STXBP6: variants seen among roughly 807,000 people sequenced by gnomAD.
STXBP6 encodes the protein syntaxin binding protein 6.
In STXBP6, 21 loss-of-function variants were observed where a neutral mutation model predicts 26.9. The observed-to-expected ratio is 0.78, with a 90% CI of 0.55 to 1.12. The LOEUF is 1.12. Ranked by LOEUF, STXBP6 falls within the 50% of genes most tolerant of loss-of-function variation. STXBP6 has a pLI of 0.00. For synonymous variants in STXBP6, 97 were observed against 92.6 expected, an observed-to-expected ratio of 1.05 and a Z score of -0.27; for missense variants, 232 against 257.9, an observed-to-expected ratio of 0.90 and a Z score of 0.69.
At position 24,818,613 on chromosome 14, in the gene STXBP6, T is replaced by C. The variant is rs1042906873; in HGVS notation, c.609+424A>G. Among the ~76,000 whole-genome samples the C allele has an allele frequency of 3.4e-4, 51 of 152,062 alleles. 1 individual carries two copies. The highest frequency in any genetic ancestry group is 1.2e-3 in the African/African-American group (50 of 41,392). The stretch of plus-strand genomic sequence containing the variant: ...AAGAGATAAGGACACACTGCTACAC[T>C]CAGGATGAGAAAGGGACAGGATGGA... On this transcript the variant is annotated intron_variant, in intron 5 of 5. Transcript: ENST00000323944.
intron 1 of STXBP6, among the ~76,000 whole-genome samples, 175 bp from the exon 2 acceptor site, chr14:24,975,025 A>G (rs550582281): frequency 6.4e-4 from 98 of 152,318 alleles, no homozygotes; most frequent in African/African-American, 2.3e-3. Flanking sequence ...TATTTGTAAT[A>G]ACTATGAAAA....
rs980989832 is a variant in STXBP6 at position 24,967,488 on chromosome 14, G to A, written c.154+7177C>T. 5.3e-5 allele frequency among the ~76,000 whole-genome samples: 8 copies of A among 152,294 alleles called. No individual in the cohort carries two copies. In the East Asian group the frequency reaches 1.5e-3, roughly 29 times the overall value. ...AACCAATGGCTATTGTTTTACAAAT[G>A]CTTTAATCAAATGTGTCTGTGCACA... On this transcript the variant is annotated intron_variant, in intron 2 of 5. Coordinates refer to ENST00000323944, the MANE Select transcript of STXBP6 (RefSeq NM_001394410.1).
chr14:25,047,478 TCTTA>T (rs1184146383), intron 1 of STXBP6, among the ~76,000 whole-genome samples: 1 of 152,242 alleles, frequency 6.6e-6, no homozygotes, highest in African/African-American at 2.4e-5. Flanking sequence ...ACGTCATCTC[TCTTA>T]CTATCTCCCA....
chr14:24,990,764 A>G (rs1411214284), intron 1 of STXBP6, among the ~76,000 whole-genome samples: 1 of 152,006 alleles, frequency 6.6e-6, no homozygotes, highest in Non-Finnish European at 1.5e-5. Flanking sequence ...ATGCAGAAAG[A>G]GGCTGAGAGA....
chr14:25,029,962 C>T lies in STXBP6; in HGVS notation c.-33+19916G>A, dbSNP rs142268689. ...ATAGCTACCATTTATCCTACTGAGTCCTCACGGTATGCAAGGCAGGGAGCT... is the reference window on the plus strand; with the variant it reads ...ATAGCTACCATTTATCCTACTGAGTTCTCACGGTATGCAAGGCAGGGAGCT... On this transcript the variant is annotated intron_variant, in intron 1 of 5. Transcript: ENST00000323944. 4.6e-5 allele frequency among the ~76,000 whole-genome samples: 7 copies of T among 152,254 alleles called. No individual in the cohort carries two copies. In the East Asian group the frequency reaches 1.4e-3, roughly 29 times the overall value.
intron 1 of STXBP6, among the ~76,000 whole-genome samples, chr14:25,007,543 G>C (rs746197101): frequency 1.3e-5 from 2 of 151,988 alleles, no homozygotes; most frequent in Non-Finnish European, 2.9e-5. Flanking sequence ...AGTTTTCCCC[G>C]TAGCTCATAT....
intron 2 of STXBP6, among the ~76,000 whole-genome samples, chr14:24,905,128 C>T (rs1307182530): frequency 6.6e-6 from 1 of 152,144 alleles, no homozygotes; most frequent in Non-Finnish European, 1.5e-5. Context: ...AAGTTTTTCA[C>T]TGGAGACCAG....
intron 2 of STXBP6, among the ~76,000 whole-genome samples, chr14:24,880,719 A>G (rs1428390944): frequency 1.3e-5 from 2 of 152,206 alleles, no homozygotes; most frequent in African/African-American, 4.8e-5. Context: ...ATACAAAAAC[A>G]AGGCCGTGCT....
intron 2 of STXBP6, among the ~76,000 whole-genome samples, chr14:24,887,218 C>T (rs904683740): frequency 5.3e-5 from 8 of 152,062 alleles, no homozygotes; most frequent in South Asian, 4.1e-4. Context: ...TTATAAAAAG[C>T]GGTAAAGGTA....
chr14:25,046,408 A>G (rs377341646), intron 1 of STXBP6, among the ~76,000 whole-genome samples: 4 of 151,068 alleles, frequency 2.6e-5, no homozygotes, highest in African/African-American at 9.8e-5. Flanking sequence ...CTACTAAAAC[A>G]CTAAGTGTAC....
intron 1 of STXBP6, among the ~76,000 whole-genome samples, chr14:24,982,322 C>T (rs778912040): frequency 3.3e-5 from 5 of 152,138 alleles, no homozygotes; most frequent in Non-Finnish European, 5.9e-5. Context: ...GGAGAGCAAA[C>T]GCTGTGAATA....
At chr14:24,905,662 T>C (rs544456111) in intron 2 of STXBP6, among the ~76,000 whole-genome samples, 1 of 152,332 alleles carries the variant, frequency 6.6e-6, no homozygotes, top group African/African-American at 2.4e-5. Flanking sequence ...CTGCATATTG[T>C]ACAATCCTCT....
intron 2 of STXBP6, among the ~76,000 whole-genome samples, chr14:24,926,070 C>T (rs1394880485): frequency 6.6e-6 from 1 of 152,166 alleles, no homozygotes; most frequent in African/African-American, 2.4e-5. Context: ...GACATGTTCC[C>T]AAATAACTCA....
intron 2 of STXBP6, among the ~76,000 whole-genome samples, chr14:24,970,141 T>G (rs951327944): frequency 6.6e-6 from 1 of 151,394 alleles, no homozygotes; most frequent in African/African-American, 2.4e-5. Context: ...CTCAGGAGGC[T>G]GGGGCAGGAG....
chr14:24,988,630 A>G lies in STXBP6; in HGVS notation c.-32-13780T>C, dbSNP rs529973373. Among the ~76,000 whole-genome samples, 5 of 152,340 alleles carry G rather than the reference A, an allele frequency of 3.3e-5. No homozygotes were observed. In the East Asian group the frequency reaches 9.6e-4, roughly 29 times the overall value. The stretch of plus-strand genomic sequence containing the variant: ...ATAAGCTGTTAGCTCTGTGTGAGTG[A>G]CCTAGAACATATGCCTGCTCCAGCC... On this transcript the variant is annotated intron_variant, in intron 1 of 5. Transcript: ENST00000323944.
intron 2 of STXBP6, among the ~76,000 whole-genome samples, chr14:24,904,436 T>C (rs2071318064): frequency 6.6e-6 from 1 of 152,234 alleles, no homozygotes; most frequent in Non-Finnish European, 1.5e-5. Flanking sequence ...ATATTACTTT[T>C]AATGGCGAAC....
intron 2 of STXBP6, among the ~76,000 whole-genome samples, chr14:24,917,803 G>T (rs1322166184): frequency 1.3e-5 from 2 of 152,042 alleles, no homozygotes; most frequent in Non-Finnish European, 2.9e-5. Context: ...TTAATAAAGT[G>T]AGAAGACAAT....
intron 2 of STXBP6, among the ~76,000 whole-genome samples, chr14:24,886,159 G>T (rs1188215563): frequency 6.6e-6 from 1 of 151,980 alleles, no homozygotes; most frequent in South Asian, 2.1e-4. Flanking sequence ...TGCCCCAATC[G>T]CTTTGAGTTC....
intron 4 of STXBP6, among the ~76,000 whole-genome samples, chr14:24,855,198 T>C (rs1173273810): frequency 1.3e-5 from 2 of 152,106 alleles, no homozygotes; most frequent in African/African-American, 4.8e-5. Context: ...ATTTAACATC[T>C]GATTAAGGCA....
Sources: gnomAD v4.1 joint callset for allele counts (sites outside exome capture counted in the v4.1 genomes callset) on GRCh38, gnomAD v4.1.1 for gene constraint, MANE v1.5 for transcripts, NCBI Gene and HGNC (gene_info 2026-07-23, HGNC 2026-07-21) for gene names.